Variants in DOCK1 observed in about 807,000 individuals in gnomAD.
The protein encoded by DOCK1 is dedicator of cytokinesis 1.
In DOCK1, 138 loss-of-function variants were observed where a neutral mutation model predicts 262.7. The observed-to-expected ratio is 0.53, with a 90% CI of 0.46 to 0.61. DOCK1 has a LOEUF of 0.61. DOCK1 is among the 20% of genes least tolerant of loss of function. The pLI is 0.00. For missense variants in DOCK1, 1,908 were observed against 2,370.7 expected (o/e 0.80, Z 4.05); for synonymous variants, 866 against 867.4 (o/e 1.00, Z 0.03).
At chr10:127,412,403 T>A (rs1239608970) in intron 43 of DOCK1, among the ~76,000 whole-genome samples, 1 of 152,174 alleles carries the variant, frequency 6.6e-6, no homozygotes, top group East Asian at 1.9e-4. Flanking sequence ...AGTGGATCCA[T>A]GTTGAAAAGG....
At chr10:126,931,003 G>A (rs1463374283) in intron 1 of DOCK1, among the ~76,000 whole-genome samples, 4 of 152,168 alleles carry the variant, frequency 2.6e-5, no homozygotes, top group African/African-American at 9.7e-5. Flanking sequence ...GGCAGTGCCA[G>A]CATCAGATTC....
chr10:126,967,939 G>A (rs1308749845), intron 1 of DOCK1, among the ~76,000 whole-genome samples: 2 of 151,916 alleles, frequency 1.3e-5, no homozygotes, highest in African/African-American at 4.8e-5. Flanking sequence ...TCAGCCTCCC[G>A]AGTAGCTGGG....
chr10:127,286,717 C>T (rs1051942678), intron 29 of DOCK1, among the ~76,000 whole-genome samples: 84 of 152,064 alleles, frequency 5.5e-4, no homozygotes, highest in African/African-American at 1.7e-3. Context: ...TTTAACACCT[C>T]TATATTATTA....
intron 22 of DOCK1, 88 bp from the exon 23 acceptor site, chr10:127,061,580 A>AGT (rs1297329534): frequency 9.0e-7 from 1 of 1,110,566 alleles, no homozygotes; most frequent in Non-Finnish European, 1.3e-6. Context: ...TTGTCACCCA[A>AGT]GTGATTCCCT....
In DOCK1 at chr10:127,405,441, CT is replaced by C. The variant is rs36056116; in HGVS notation, c.4122+1029del. Among the ~76,000 whole-genome samples the C allele has an allele frequency of 2.7e-3, 364 of 134,078 alleles. 2 individuals are homozygous for C. Among genetic ancestry groups the C allele is most frequent in the African/African-American group, 4.3e-3 (152 of 35,762 alleles). The allele number at this position is 134,078 out of a possible 152,430, so 88.0% of individuals were successfully genotyped here. On this transcript the variant is annotated intron_variant, in intron 40 of 51. Transcript: ENST00000623213. ...CATGATTTCCTGATATTTCTTATGACTTTTTTTTTTTTTTTTTGGACACTTG... is the reference window on the plus strand; with the variant it reads ...CATGATTTCCTGATATTTCTTATGACTTTTTTTTTTTTTTTTGGACACTTG...
intron 29 of DOCK1, among the ~76,000 whole-genome samples, chr10:127,258,394 A>C (rs1429301466): frequency 6.6e-6 from 1 of 152,262 alleles, no homozygotes; most frequent in African/African-American, 2.4e-5. Flanking sequence ...GTAATCATAC[A>C]GTATATAAGC....
chr10:127,138,694 T>C (rs2050927047), intron 27 of DOCK1, among the ~76,000 whole-genome samples: 1 of 152,164 alleles, frequency 6.6e-6, no homozygotes, highest in African/African-American at 2.4e-5. Context: ...AACACAGAAG[T>C]AAAATTCCAT....
chr10:127,256,125 T>G (rs777375052), intron 28 of DOCK1, among the ~76,000 whole-genome samples: 1 of 152,182 alleles, frequency 6.6e-6, no homozygotes, highest in African/African-American at 2.4e-5. Flanking sequence ...GTGATCAGGA[T>G]CACTCATTTT....
chr10:127,331,720 C>G (rs776374261), intron 29 of DOCK1, among the ~76,000 whole-genome samples: 5 of 152,160 alleles, frequency 3.3e-5, no homozygotes, highest in Non-Finnish European at 7.3e-5. Flanking sequence ...GAAGAGAGAT[C>G]TGTACACTGA....
At chr10:127,104,731 G>C (rs1013329564) in intron 23 of DOCK1, among the ~76,000 whole-genome samples, 17 of 152,200 alleles carry the variant, frequency 1.1e-4, no homozygotes, top group Non-Finnish European at 4.4e-5. Flanking sequence ...ACAGGTAGAA[G>C]GTGGCAGAGC....
In DOCK1 at chr10:127,175,883, T is replaced by C. The variant is rs370964104; in HGVS notation, c.2847+48119T>C. ...GTTGGTTGGAATGGAAAACCAAGGC[T>C]GTGGTCTTGTGCACCCGCCCCGCGC... On this transcript the variant is annotated intron_variant, in intron 27 of 51. Coordinates refer to ENST00000623213, the MANE Select transcript of DOCK1 (RefSeq NM_001290223.2). The surrounding 1 kb of genome is among the most constrained non-coding windows in gnomAD (Gnocchi z 6.3). 1.1e-5 allele frequency: 18 copies of C among 1,614,096 alleles called. No homozygotes were observed. In the African/African-American group the frequency reaches 2.1e-4, roughly 19 times the overall value.
chr10:127,217,094 G>C (rs141328122), intron 27 of DOCK1, among the ~76,000 whole-genome samples: 2 of 152,120 alleles, frequency 1.3e-5, no homozygotes, highest in Non-Finnish European at 2.9e-5. Context: ...AAGGGAAGGG[G>C]CACAGGCAGG....
At chr10:127,239,414 T>C (rs2134673335) in intron 27 of DOCK1, among the ~76,000 whole-genome samples, 1 of 152,278 alleles carries the variant, frequency 6.6e-6, no homozygotes, top group South Asian at 2.1e-4. Flanking sequence ...AATACTTAAG[T>C]ATCATCATAA....
At chr10:127,111,901 ATCT>A (rs1418469878) in intron 25 of DOCK1, among the ~76,000 whole-genome samples, 2 of 152,144 alleles carry the variant, frequency 1.3e-5, no homozygotes, top group Admixed American at 6.5e-5. Context: ...TTTAACGAAG[ATCT>A]TCTTCAGGAT....
At chr10:127,187,595 G>A (rs1043032570) in intron 27 of DOCK1, among the ~76,000 whole-genome samples, 9 of 152,128 alleles carry the variant, frequency 5.9e-5, no homozygotes, top group Admixed American at 4.6e-4. Flanking sequence ...AATCCAGGGG[G>A]TGGCTGTCCT....
At chr10:127,244,499 G>A (rs1415968353) in intron 27 of DOCK1, among the ~76,000 whole-genome samples, 4 of 152,106 alleles carry the variant, frequency 2.6e-5, no homozygotes, top group African/African-American at 9.7e-5. Context: ...AGCAATTTAT[G>A]TTCCCACCAA....
At chr10:126,956,779 G>C (rs2036776610) in intron 1 of DOCK1, among the ~76,000 whole-genome samples, 1 of 152,202 alleles carries the variant, frequency 6.6e-6, no homozygotes, top group Non-Finnish European at 1.5e-5. Flanking sequence ...CAGAACAGGG[G>C]TTTGGGACCG....
chr10:127,338,951 A>G (rs2063310420), intron 29 of DOCK1, 55 bp from the exon 30 acceptor site: 1 of 1,447,090 alleles, frequency 6.9e-7, no homozygotes, highest in African/African-American at 1.4e-5. Context: ...TGCCAAACCT[A>G]CCGAAGTGCC....
intron 29 of DOCK1, among the ~76,000 whole-genome samples, chr10:127,295,464 A>G (rs764411639): frequency 5.9e-5 from 9 of 152,234 alleles, no homozygotes; most frequent in Non-Finnish European, 8.8e-5. Context: ...TGGGGGTCAC[A>G]TTTCAACATG....
Sources: gnomAD v4.1 joint callset for allele counts (sites outside exome capture counted in the v4.1 genomes callset) on GRCh38, gnomAD v4.1.1 for gene constraint, Gnocchi (gnomAD v3.1) non-coding constraint, MANE v1.5 for transcripts, NCBI Gene and HGNC (gene_info 2026-07-23, HGNC 2026-07-21) for gene names.